The following PCDHGA3 variants were observed in gnomAD, a reference collection of about 807,000 sequenced individuals.
PCDHGA3 encodes the protein protocadherin gamma subfamily A, 3.
A neutral mutation model predicts 58.5 loss-of-function variants in PCDHGA3; 40 were observed. That is an observed-to-expected ratio of 0.68 (90% CI 0.53 to 0.89). The LOEUF (loss-of-function observed/expected upper bound fraction) is 0.89. Ranked by LOEUF, PCDHGA3 falls within the 40% of genes least tolerant of loss-of-function variation. The probability of loss-of-function intolerance (pLI) is 0.00; values close to 1 mark genes in which losing one functional copy is unlikely to be tolerated. For synonymous variants in PCDHGA3, 530 were observed against 525.7 expected (o/e 1.01, Z -0.11); for missense variants, 1,223 against 1,195.9 (o/e 1.02, Z -0.33).
chr5:141,476,596 C>T lies in PCDHGA3; in HGVS notation c.2425-18211C>T. 1 of 1,614,224 alleles carries T rather than the reference C, an allele frequency of 6.2e-7. No homozygotes were observed. Among genetic ancestry groups the T allele is most frequent in the Non-Finnish European group, 8.5e-7 (1 of 1,180,038 alleles). On this transcript the variant is annotated intron_variant, in intron 1 of 3. Coordinates refer to ENST00000253812, the MANE Select transcript of PCDHGA3 (RefSeq NM_018916.4). The surrounding 1 kb of genome is among the most constrained non-coding windows in gnomAD (Gnocchi z 7.6). The stretch of plus-strand genomic sequence containing the variant: ...CGCGCTTTCCGCTCGAGAGCGCGCA[C>T]GATCCCGATGTGGGAAGCAACTCTT...
intron 1 of PCDHGA3, among the ~76,000 whole-genome samples, chr5:141,451,410 G>T (rs1201545799): frequency 6.6e-6 from 1 of 152,190 alleles, no homozygotes; most frequent in East Asian, 1.9e-4. Context: ...TAAGTTCCTT[G>T]TGGATTGTTA....
chr5:141,403,004 T>A, intron 1 of PCDHGA3: 1 of 1,613,990 alleles, frequency 6.2e-7, no homozygotes, highest in Non-Finnish European at 8.5e-7. Context: ...CCTGCTATGC[T>A]CGCTCCTGGG....
intron 1 of PCDHGA3, 69 bp downstream of exon 1, chr5:141,346,526 C>T (rs1757767070): frequency 1.9e-6 from 3 of 1,582,088 alleles, no homozygotes; most frequent in Non-Finnish European, 2.6e-6. Flanking sequence ...AGCTTTAACA[C>T]ATATGTATTT....
Position 141,431,897 on chromosome 5 carries a change from G to A in PCDHGA3, c.2425-62910G>A. On this transcript the variant is annotated intron_variant, in intron 1 of 3. Transcript: ENST00000253812. This position sits in a 1 kb window ranked among gnomAD's most constrained non-coding sequence, Gnocchi z 4.8. ...AAATGACCAAGATTCTGAGGAAAAC[G>A]GACAGGTGATCTGTTTCATCCAAGG... is the stretch of plus-strand genomic sequence containing the variant. 6 of 1,613,830 alleles carry A rather than the reference G, an allele frequency of 3.7e-6. No individual in the cohort carries two copies. The highest frequency in any genetic ancestry group is 5.1e-6 in the Non-Finnish European group (6 of 1,179,704).
intron 1 of PCDHGA3, chr5:141,418,934 G>T (rs1163951447): frequency 6.2e-7 from 1 of 1,614,056 alleles, no homozygotes; most frequent in African/African-American, 1.3e-5. Context: ...GATTATGGAG[G>T]ATTCCCCTCC....
At chr5:141,355,726 G>A (rs771155381) in intron 1 of PCDHGA3, 1 of 1,613,978 alleles carries the variant, frequency 6.2e-7, no homozygotes, top group East Asian at 2.2e-5. Context: ...CAACTCAAAC[G>A]GTTACTTTTC....
rs753581561 is a variant in PCDHGA3, at chr5:141,485,195, T to G, written c.2425-9612T>G. 2.2e-5 allele frequency: 36 copies of G among 1,613,912 alleles called. No homozygotes were observed. Among genetic ancestry groups the G allele is most frequent in the Non-Finnish European group, 1.4e-5 (16 of 1,179,906 alleles). ...AGCAATGCTCCGCAAGGTGAGAAGC[T>G]GGACAGAAATCTGGCGGTGGGCTAC... is the stretch of plus-strand genomic sequence containing the variant. On this transcript the variant is annotated intron_variant, in intron 1 of 3. Transcript: ENST00000253812. The surrounding 1 kb of genome is among the most constrained non-coding windows in gnomAD (Gnocchi z 5.7).
In PCDHGA3 at chr5:141,506,176, C is replaced by T. The variant is rs183157987; in HGVS notation, c.2572+695C>T. ...CCTTAAGAGCACAGCCTAAGCTGGG[C>T]GTGGTGGCTCACGCCTGTAATCCCA... is the stretch of plus-strand genomic sequence containing the variant. On this transcript the variant is annotated intron_variant, in intron 3 of 3. Coordinates refer to ENST00000253812, the MANE Select transcript of PCDHGA3 (RefSeq NM_018916.4). Among the ~76,000 whole-genome samples the T allele has an allele frequency of 3.0e-3, 454 of 152,234 alleles. 1 individual carries two copies. The highest frequency in any genetic ancestry group is 0.021 in the Admixed American group (317 of 15,296).
intron 1 of PCDHGA3, chr5:141,399,936 C>A (rs1370105984): frequency 6.2e-7 from 1 of 1,612,268 alleles, no homozygotes; most frequent in African/African-American, 1.3e-5. Flanking sequence ...TGTCCTACCA[C>A]GTGCTGCAGG....
Position 141,431,601 on chromosome 5 carries a change from T to G in PCDHGA3, c.2425-63206T>G. 1 of 1,614,202 alleles carries G rather than the reference T, an allele frequency of 6.2e-7. No homozygotes were observed. Among genetic ancestry groups the G allele is most frequent in the Non-Finnish European group, 8.5e-7 (1 of 1,180,032 alleles). On this transcript the variant is annotated intron_variant, in intron 1 of 3. Transcript: ENST00000253812. The surrounding 1 kb of genome is among the most constrained non-coding windows in gnomAD (Gnocchi z 4.8). Reference sequence around the variant, plus strand: ...GTCAATGCGGAAGTGAGGTATTCCTTCCGGTATGTGGACGACAAGGCGGCC... The same window carrying G: ...GTCAATGCGGAAGTGAGGTATTCCTGCCGGTATGTGGACGACAAGGCGGCC...
chr5:141,423,503 C>T (rs1225012888), intron 1 of PCDHGA3: 2 of 1,613,984 alleles, frequency 1.2e-6, no homozygotes, highest in South Asian at 2.2e-5. Context: ...CACGAGGTCT[C>T]TCTCATTGCG....
At chr5:141,372,619 C>T in intron 1 of PCDHGA3, 1 of 1,613,968 alleles carries the variant, frequency 6.2e-7, no homozygotes, top group African/African-American at 1.3e-5. Flanking sequence ...GTTCTCCCCA[C>T]CTACAGCGAA....
chr5:141,419,809 A>G (rs1181621732), intron 1 of PCDHGA3: 2 of 1,613,916 alleles, frequency 1.2e-6, no homozygotes, highest in African/African-American at 2.7e-5. Flanking sequence ...GAGATGGAGG[A>G]CAGCCACCCC....
At chr5:141,442,974 A>C (rs1444888648) in intron 1 of PCDHGA3, among the ~76,000 whole-genome samples, 1 of 152,176 alleles carries the variant, frequency 6.6e-6, no homozygotes, top group Non-Finnish European at 1.5e-5. Flanking sequence ...CTGGCTGATA[A>C]AGTTAGCCTA....
intron 1 of PCDHGA3, among the ~76,000 whole-genome samples, chr5:141,349,784 A>G (rs1309730202): frequency 2.0e-5 from 3 of 152,190 alleles, no homozygotes; most frequent in African/African-American, 7.2e-5. Flanking sequence ...TAGTGAAATC[A>G]CTGAAGATTT....
chr5:141,433,347 CCTA>C, intron 1 of PCDHGA3: 1 of 626,716 alleles, frequency 1.6e-6, no homozygotes, highest in South Asian at 2.0e-5. Flanking sequence ...GTGCAAGCCA[CCTA>C]CTGTCTGCCT....
chr5:141,445,623 A>G (rs2098472971), intron 1 of PCDHGA3, among the ~76,000 whole-genome samples: 1 of 152,172 alleles, frequency 6.6e-6, no homozygotes, highest in South Asian at 2.1e-4. Flanking sequence ...TTTTTTTCGG[A>G]AAGTGATATT....
In PCDHGA3 at chr5:141,476,299, C is replaced by G; in HGVS notation, c.2425-18508C>G. On this transcript the variant is annotated intron_variant, in intron 1 of 3. Transcript: ENST00000253812. This position sits in a 1 kb window ranked among gnomAD's most constrained non-coding sequence, Gnocchi z 7.6. The stretch of plus-strand genomic sequence containing the variant: ...ACCTTGGTTTGGATCTCGGTAGCCT[C>G]TCAGCCCGCAGGTTCCGGGTGGTGT... The G allele has an allele frequency of 6.2e-7, 1 of 1,614,100 alleles. No individual in the cohort carries two copies. The highest frequency in any genetic ancestry group is 8.5e-7 in the Non-Finnish European group (1 of 1,180,014).
At chr5:141,422,959 C>G in intron 1 of PCDHGA3, 1 of 1,614,234 alleles carries the variant, frequency 6.2e-7, no homozygotes, top group Non-Finnish European at 8.5e-7. Flanking sequence ...TGGCGTGGAG[C>G]TGGCGCCCCG....
Sources: gnomAD v4.1 joint callset for allele counts (sites outside exome capture counted in the v4.1 genomes callset) on GRCh38, gnomAD v4.1.1 for gene constraint, Gnocchi (gnomAD v3.1) non-coding constraint, MANE v1.5 for transcripts, NCBI Gene and HGNC (gene_info 2026-07-23, HGNC 2026-07-21) for gene names.